The following EPN2 variants were observed in gnomAD, a reference collection of about 807,000 sequenced individuals.
The protein encoded by EPN2 is epsin 2.
In EPN2, 34 loss-of-function variants were observed where a neutral mutation model predicts 61.7. That is an observed-to-expected ratio of 0.55 (90% confidence interval 0.42 to 0.73). The LOEUF (loss-of-function observed/expected upper bound fraction) is 0.73, where lower values mean the gene tolerates loss of function less well. Ranked by LOEUF, EPN2 falls within the 30% of genes least tolerant of loss-of-function variation. EPN2 has a pLI of 0.00. For missense variants in EPN2, 714 were observed against 839.2 expected, an observed-to-expected ratio of 0.85 and a Z score of 1.84; for synonymous variants, 349 against 353.6, an observed-to-expected ratio of 0.99 and a Z score of 0.15.
At chr17:19,289,846 A>C (rs1025085926) in intron 4 of EPN2, among the ~76,000 whole-genome samples, 2 of 147,648 alleles carry the variant, frequency 1.4e-5, no homozygotes, top group Admixed American at 6.9e-5. Flanking sequence ...TTCCTCAGCC[A>C]TCTGAGTAGC....
chr17:19,251,451 C>T (rs2045014342), intron 1 of EPN2, among the ~76,000 whole-genome samples: 1 of 152,046 alleles, frequency 6.6e-6, no homozygotes, highest in African/African-American at 2.4e-5. Context: ...CGCCTGGACC[C>T]CCAGCTTGTA....
chr17:19,317,040 A>G (rs1906417748), intron 7 of EPN2, among the ~76,000 whole-genome samples: 1 of 152,204 alleles, frequency 6.6e-6, no homozygotes, highest in African/African-American at 2.4e-5. Flanking sequence ...CAATAGTGCA[A>G]ATTTTCAGGG....
intron 5 of EPN2, among the ~76,000 whole-genome samples, chr17:19,311,073 G>A (rs1394715658): frequency 6.6e-6 from 1 of 152,184 alleles, no homozygotes; most frequent in East Asian, 1.9e-4. Flanking sequence ...GGTGTTCAGA[G>A]AGGAATACTG....
At chr17:19,268,101 C>A (rs560384429) in intron 1 of EPN2, among the ~76,000 whole-genome samples, 6 of 152,262 alleles carry the variant, frequency 3.9e-5, no homozygotes. Flanking sequence ...TCACTCTGCC[C>A]GCAGAGGCCT....
At chr17:19,264,948 A>G (rs971698901) in intron 1 of EPN2, among the ~76,000 whole-genome samples, 8 of 151,998 alleles carry the variant, frequency 5.3e-5, no homozygotes, top group South Asian at 2.1e-4. Flanking sequence ...CCTCTGGCTC[A>G]GTCAGCTGGG....
At chr17:19,313,328 G>A in intron 7 of EPN2, 49 bp downstream of exon 7, 1 of 1,475,632 alleles carries the variant, frequency 6.8e-7, no homozygotes, top group Non-Finnish European at 9.0e-7. Flanking sequence ...GGATGGGTGA[G>A]GGGCAGGGCA....
Position 19,249,905 on chromosome 17 carries a change from T to A in EPN2, c.-294+12374T>A, listed in dbSNP as rs532000852. Among the ~76,000 whole-genome samples the A allele has an allele frequency of 1.4e-4, 22 of 152,224 alleles. No homozygotes were observed. In the South Asian group the frequency reaches 3.9e-3, roughly 27 times the overall value. ...TCTGCCTTTCCAACTTCTTGAGGCC[T>A]TTTGTGTTCCTTGGCTCGTGCTCCT... On this transcript the variant is annotated intron_variant, in intron 1 of 10. Coordinates refer to ENST00000314728, the MANE Select transcript of EPN2 (RefSeq NM_014964.5).
At chr17:19,303,599 G>C (rs1164942072) in intron 4 of EPN2, among the ~76,000 whole-genome samples, 1 of 152,170 alleles carries the variant, frequency 6.6e-6, no homozygotes, top group Non-Finnish European at 1.5e-5. Context: ...ATAGATGGGG[G>C]TATGACGTCA....
chr17:19,274,613 C>G (rs1421180949), intron 1 of EPN2, among the ~76,000 whole-genome samples: 1 of 152,078 alleles, frequency 6.6e-6, no homozygotes, highest in Non-Finnish European at 1.5e-5. Flanking sequence ...TGATGTAGAC[C>G]CCAGCTGAAA....
chr17:19,244,083 C>G (rs772528979), intron 1 of EPN2, among the ~76,000 whole-genome samples: 1 of 152,206 alleles, frequency 6.6e-6, no homozygotes, highest in Non-Finnish European at 1.5e-5. Flanking sequence ...TTCAAAAAGG[C>G]TGTAAATCTT....
rs572055567 is a variant in EPN2, at chr17:19,263,940, C to T, written c.-293-18015C>T. ...AGGGGGGTTAGGGGCATGGATGTAGCCAGTGTATATTTGGAGGGCAAGTAA... is the reference window on the plus strand; with the variant it reads ...AGGGGGGTTAGGGGCATGGATGTAGTCAGTGTATATTTGGAGGGCAAGTAA... On this transcript the variant is annotated intron_variant, in intron 1 of 10. Coordinates refer to ENST00000314728, the MANE Select transcript of EPN2 (RefSeq NM_014964.5). Among the ~76,000 whole-genome samples, 52 of 152,198 alleles carry T rather than the reference C, an allele frequency of 3.4e-4. 1 individual carries two copies. The South Asian group carries it at 0.011, about 32-fold the overall frequency.
intron 1 of EPN2, chr17:19,280,100 A>G (rs1310458255): frequency 4.6e-5 from 7 of 152,214 alleles, no homozygotes; most frequent in Admixed American, 1.3e-4. Flanking sequence ...GGGCCTCCCA[A>G]AGTGCTAGGA....
At chr17:19,311,337 T>C (rs1217928557) in intron 5 of EPN2, among the ~76,000 whole-genome samples, 10 of 152,118 alleles carry the variant, frequency 6.6e-5, no homozygotes, top group Non-Finnish European at 7.3e-5. Flanking sequence ...CCATTTTAGT[T>C]AATATTTATA....
chr17:19,249,825 CATG>C (rs2044994142), intron 1 of EPN2, among the ~76,000 whole-genome samples: 1 of 152,110 alleles, frequency 6.6e-6, no homozygotes, highest in Admixed American at 6.5e-5. Flanking sequence ...GGGCTGGGGT[CATG>C]GTGTAGTTAG....
In EPN2 at chr17:19,283,662, C is replaced by T; in HGVS notation, c.543C>T (p.His181=). ...GCCAGCCCAACCTCTCCACCAGCCA[C>T]TCGGAGCAGGAGTATGGCAAGGCCG... ...GSSQPNLSTS[H]SEQEYGKAGG... Residue 181 remains histidine, a synonymous_variant, in exon 3 of 11, where the codon CAC becomes CAT. Transcript: ENST00000314728. This position sits in a 1 kb window ranked among gnomAD's most constrained non-coding sequence, Gnocchi z 7.0. The T allele has an allele frequency of 6.2e-7, 1 of 1,613,952 alleles. No individual in the cohort carries two copies. The highest frequency in any genetic ancestry group is 8.5e-7 in the Non-Finnish European group (1 of 1,179,974).
At chr17:19,317,120 T>G (rs1408483409) in intron 7 of EPN2, among the ~76,000 whole-genome samples, 4 of 152,270 alleles carry the variant, frequency 2.6e-5, no homozygotes, top group Non-Finnish European at 4.4e-5. Context: ...CAGTGTTAGC[T>G]GTGCCCTCTG....
chr17:19,289,540 TAGTGGAG>T (rs2045439389), intron 4 of EPN2, among the ~76,000 whole-genome samples: 1 of 151,604 alleles, frequency 6.6e-6, no homozygotes, highest in Admixed American at 6.6e-5. Flanking sequence ...TGCAGTAGGT[TAGTGGAG>T]GGGTTGAGTT....
At position 19,302,182 on chromosome 17, in the gene EPN2, AC is replaced by A. The variant is rs1347396674; in HGVS notation, c.767-7698del. The stretch of plus-strand genomic sequence containing the variant: ...CAGCCTGGACTGTAAGTGGGGCAGC[AC>A]CCCCTTATGGATGGAGGGTTCCTCG... On this transcript the variant is annotated intron_variant, in intron 4 of 10. Transcript: ENST00000314728. Among the ~76,000 whole-genome samples the A allele has an allele frequency of 4.6e-5, 7 of 152,004 alleles. No homozygotes were observed. The East Asian group carries it at 1.4e-3, about 29-fold the overall frequency.
chr17:19,268,260 C>T (rs1398534711), intron 1 of EPN2, among the ~76,000 whole-genome samples: 1 of 152,228 alleles, frequency 6.6e-6, no homozygotes, highest in Non-Finnish European at 1.5e-5. Context: ...GGTGCCACAT[C>T]TGTGCTTGTT....
Sources: allele counts gnomAD v4.1 joint callset (sites outside exome capture counted in the v4.1 genomes callset), GRCh38; gene constraint gnomAD v4.1.1; non-coding constraint Gnocchi (gnomAD v3.1); transcripts MANE v1.5; gene names NCBI Gene and HGNC (gene_info 2026-07-23, HGNC 2026-07-21).